SPON1: variants seen among roughly 807,000 people sequenced by gnomAD.
The protein encoded by SPON1 is spondin 1.
A neutral mutation model predicts 111.7 loss-of-function variants in SPON1; 52 were observed. The ratio of observed to expected loss-of-function variants is 0.47; its 90% CI spans 0.37 to 0.59. The LOEUF is 0.59. Ranked by LOEUF, SPON1 falls within the 20% of genes least tolerant of loss-of-function variation. The probability of loss-of-function intolerance (pLI) is 0.00; values close to 1 mark genes in which losing one functional copy is unlikely to be tolerated. For missense variants in SPON1, 957 were observed against 1,068.5 expected (o/e 0.90, Z 1.46); for synonymous variants, 410 against 395.8 (o/e 1.04, Z -0.43).
chr11:14,163,700 A>G (rs1284185830), intron 6 of SPON1, among the ~76,000 whole-genome samples: 2 of 152,124 alleles, frequency 1.3e-5, no homozygotes, highest in Non-Finnish European at 2.9e-5. Context: ...AAAAATGACA[A>G]AGGCTTCAGA....
At chr11:14,049,905 A>G (rs1848695844) in intron 3 of SPON1, among the ~76,000 whole-genome samples, 1 of 152,160 alleles carries the variant, frequency 6.6e-6, no homozygotes, top group Non-Finnish European at 1.5e-5. Context: ...TGTGTACTAT[A>G]TTATTCAAAA....
At chr11:14,048,636 C>G (rs1333326078) in intron 3 of SPON1, among the ~76,000 whole-genome samples, 1 of 152,170 alleles carries the variant, frequency 6.6e-6, no homozygotes, top group Admixed American at 6.5e-5. Flanking sequence ...AAATGAGCGA[C>G]CCAGCACTTA....
At chr11:14,164,492 TG>T (rs2133877797) in intron 6 of SPON1, among the ~76,000 whole-genome samples, 1 of 152,338 alleles carries the variant, frequency 6.6e-6, no homozygotes, top group Non-Finnish European at 1.5e-5. Flanking sequence ...CTTTGTCTTC[TG>T]GACTGTCCAC....
intron 2 of SPON1, among the ~76,000 whole-genome samples, chr11:13,997,066 T>C (rs1480625425): frequency 6.6e-6 from 1 of 152,216 alleles, no homozygotes; most frequent in African/African-American, 2.4e-5. Flanking sequence ...TTGCTTATGA[T>C]AAATGAAATT....
At chr11:14,163,797 C>T (rs1554931637) in intron 6 of SPON1, among the ~76,000 whole-genome samples, 3 of 152,176 alleles carry the variant, frequency 2.0e-5, no homozygotes, top group Non-Finnish European at 4.4e-5. Flanking sequence ...CCATGGACTG[C>T]TGTCCTCCAT....
chr11:14,071,922 C>T (rs1419120842), intron 3 of SPON1, among the ~76,000 whole-genome samples: 6 of 152,150 alleles, frequency 3.9e-5, no homozygotes, highest in Non-Finnish European at 8.8e-5. Context: ...TGGTCGCAAA[C>T]TCCTGACCTC....
intron 2 of SPON1, among the ~76,000 whole-genome samples, chr11:14,027,966 T>C (rs138152893): frequency 6.6e-6 from 1 of 152,236 alleles, no homozygotes; most frequent in African/African-American, 2.4e-5. Flanking sequence ...AAAACCTGTT[T>C]ATCAGTGATT....
chr11:13,970,554 A>G (rs1848054939), intron 1 of SPON1, among the ~76,000 whole-genome samples: 1 of 152,086 alleles, frequency 6.6e-6, no homozygotes, highest in Non-Finnish European at 1.5e-5. Context: ...GATGAACCAA[A>G]TGGTGATTCT....
intron 8 of SPON1, among the ~76,000 whole-genome samples, chr11:14,255,353 G>A (rs1849094733): frequency 6.6e-6 from 1 of 152,210 alleles, no homozygotes; most frequent in Non-Finnish European, 1.5e-5. Flanking sequence ...CTATTAGAAA[G>A]AGTTTGGGAT....
intron 1 of SPON1, among the ~76,000 whole-genome samples, chr11:13,976,738 A>C (rs1347529950): frequency 2.6e-5 from 4 of 152,196 alleles, no homozygotes; most frequent in African/African-American, 9.7e-5. Flanking sequence ...CAAATGATAG[A>C]GTGTGGTGAA....
chr11:14,234,775 G>A (rs1848843552), intron 6 of SPON1, among the ~76,000 whole-genome samples: 1 of 152,212 alleles, frequency 6.6e-6, no homozygotes, highest in African/African-American at 2.4e-5. Flanking sequence ...CGGACATTAT[G>A]CAATTTTCCC....
chr11:14,013,183 A>G lies in SPON1; in HGVS notation c.346-28338A>G, dbSNP rs117512887. On this transcript the variant is annotated intron_variant, in intron 2 of 15. Transcript: ENST00000576479. ...AGGCAGTCCCAGAAGCCCCATGCTA[A>G]CAACTTCTGCTAATTCTTAGGCTGA... 3.7e-3 allele frequency among the ~76,000 whole-genome samples: 558 copies of G among 152,334 alleles called. 2 individuals carry two copies. Among genetic ancestry groups the G allele is most frequent in the Admixed American group, 5.6e-3 (85 of 15,300 alleles).
rs191168929 is a variant in SPON1, at chr11:14,173,805, G to A, written c.825+38237G>A. Reference sequence around the variant, plus strand: ...TCAGCAGTGGTGGCTGCAGAACAGCGGATATTGGTGAACCGCAAACGTTTC... The same window carrying A: ...TCAGCAGTGGTGGCTGCAGAACAGCAGATATTGGTGAACCGCAAACGTTTC... On this transcript the variant is annotated intron_variant, in intron 6 of 15. Transcript: ENST00000576479. 9.2e-5 allele frequency among the ~76,000 whole-genome samples: 14 copies of A among 152,140 alleles called. No homozygotes were observed. The East Asian group carries it at 1.5e-3, about 17-fold the overall frequency.
rs1395689019 is a variant in SPON1 at position 14,051,187 on chromosome 11, TATA to T, written c.479+9536_479+9538del. Among the ~76,000 whole-genome samples, 10 of 152,266 alleles carry T rather than the reference TATA, an allele frequency of 6.6e-5. No homozygotes were observed. The East Asian group carries it at 1.7e-3, about 27-fold the overall frequency. On this transcript the variant is annotated intron_variant, in intron 3 of 15. Coordinates refer to ENST00000576479, the MANE Select transcript of SPON1 (RefSeq NM_006108.4). ...GTATTTGGAGGTGGGACCTTTGTGC[TATA>T]ATTAGATCAAGAGGGTGAAGCCCTC...
At chr11:14,126,652 A>G (rs1023666378) in intron 5 of SPON1, among the ~76,000 whole-genome samples, 3 of 152,208 alleles carry the variant, frequency 2.0e-5, no homozygotes, top group African/African-American at 7.2e-5. Context: ...TCAAAAAGCC[A>G]TGTCCTTACC....
At chr11:14,099,035 T>C (rs1328528779) in intron 5 of SPON1, among the ~76,000 whole-genome samples, 2 of 152,328 alleles carry the variant, frequency 1.3e-5, no homozygotes, top group East Asian at 3.9e-4. Flanking sequence ...TAATTGAGAC[T>C]TTAAAAGAAT....
chr11:14,167,164 T>C (rs1848039686), intron 6 of SPON1, among the ~76,000 whole-genome samples: 1 of 152,162 alleles, frequency 6.6e-6, no homozygotes, highest in Non-Finnish European at 1.5e-5. Flanking sequence ...CACCATTTCA[T>C]ATTTGATGAT....
At chr11:14,256,567 A>G in intron 9 of SPON1, 50 bp from the exon 10 acceptor site, 1 of 1,326,714 alleles carries the variant, frequency 7.5e-7, no homozygotes, top group Non-Finnish European at 1.1e-6. Context: ...CCCCCTACAC[A>G]TTCCCTTCTT....
At chr11:14,139,728 A>ATATATATATATATATATATAT (rs1564913661) in intron 6 of SPON1, among the ~76,000 whole-genome samples, 1 of 151,124 alleles carries the variant, frequency 6.6e-6, no homozygotes, top group African/African-American at 2.4e-5. Flanking sequence ...ATATATATTT[A>ATATATATATATATATATATAT]AGTGAAAAGA....
Sources: allele counts gnomAD v4.1 joint callset (sites outside exome capture counted in the v4.1 genomes callset), GRCh38; gene constraint gnomAD v4.1.1; transcripts MANE v1.5; gene names NCBI Gene and HGNC (gene_info 2026-07-23, HGNC 2026-07-21).